TFAM: variants seen among roughly 807,000 people sequenced by gnomAD.
TFAM encodes the protein transcription factor A, mitochondrial.
TFAM carries 13 observed loss-of-function variants against 30.6 expected under a neutral mutation model. That is an observed-to-expected ratio of 0.42 (90% CI 0.28 to 0.67). The LOEUF (loss-of-function observed/expected upper bound fraction) is 0.67, where lower values mean the gene tolerates loss of function less well. Among genes scored for constraint, TFAM ranks in the 30% least tolerant of loss-of-function variants. TFAM has a pLI of 0.21. For synonymous variants in TFAM, 106 were observed against 94.8 expected (o/e 1.12, Z -0.69); for missense variants, 231 against 293.7 (o/e 0.79, Z 1.56).
At chr10:58,393,304 A>G (rs1277038242) in intron 5 of TFAM, among the ~76,000 whole-genome samples, 1 of 152,188 alleles carries the variant, frequency 6.6e-6, no homozygotes, top group Admixed American at 6.5e-5. Context: ...ACAGTCTTTC[A>G]GCCAATCTTG....
intron 4 of TFAM, 52 bp downstream of exon 4, chr10:58,388,871 TA>T: frequency 1.4e-6 from 2 of 1,463,508 alleles, no homozygotes; most frequent in Non-Finnish European, 1.9e-6. Flanking sequence ...GAGATTTATA[TA>T]ACTATGAATA....
chr10:58,394,562 T>A, intron 6 of TFAM, 148 bp downstream of exon 6: 1 of 847,182 alleles, frequency 1.2e-6, no homozygotes, highest in South Asian at 1.4e-5. Context: ...CAGAACCAGT[T>A]TGGCATTTTT....
At chr10:58,394,458 CTGTGAGAGAA>C in intron 6 of TFAM, 44 bp downstream of exon 6, 1 of 1,513,316 alleles carries the variant, frequency 6.6e-7, no homozygotes, top group East Asian at 2.3e-5. Flanking sequence ...CTTAGGATAT[CTGTGAGAGAA>C]TGTATTAGGG....
chr10:58,398,786 A>G lies in TFAM; in HGVS notation c.*3712A>G, dbSNP rs1157517087. 4.6e-5 allele frequency: 7 copies of G among 152,180 alleles called. No individual in the cohort carries two copies. The highest frequency in any genetic ancestry group is 1.2e-4 in the African/African-American group (5 of 41,448). The allele number at this position is 152,180 out of a possible 1,614,324, so 9.4% of individuals were successfully genotyped here. Reference sequence around the variant, plus strand: ...TCTCTTAATTTTACTAACATTTACTATAAGAATATTCTCTCGCTCTTTTCT... The same window carrying G: ...TCTCTTAATTTTACTAACATTTACTGTAAGAATATTCTCTCGCTCTTTTCT... On this transcript the variant is annotated 3_prime_UTR_variant, in exon 7 of 7. Transcript: ENST00000487519.
chr10:58,390,982 G>A lies in TFAM; in HGVS notation c.537+122G>A, dbSNP rs148135493. The A allele has an allele frequency of 8.0e-4, 711 of 893,600 alleles. 15 individuals carry two copies. The East Asian group carries it at 0.019, about 23-fold the overall frequency. 55.4% of individuals were successfully genotyped at this position (893,600 alleles called of 1,614,324 possible). A position where few individuals can be genotyped will look rare whatever the true frequency, so the allele number is the denominator to read the frequency against. On this transcript the variant is annotated intron_variant, in intron 5 of 6. Coordinates refer to ENST00000487519, the MANE Select transcript of TFAM (RefSeq NM_003201.3). ...TCCAGACAGTAAACTCTTTTGCTAA[G>A]GCCCTCTTTAAAGAAAAATCTTTTT...
Position 58,385,734 on chromosome 10 carries a change from C to T in TFAM, c.101+86C>T, listed in dbSNP as rs111287159. ...GTAGACCCTATCCTTCACTTTCTGC[C>T]CCTCCTAGGAGTTCAGAGTCACCCT... On this transcript the variant is annotated intron_variant, in intron 1 of 6. Coordinates refer to ENST00000487519, the MANE Select transcript of TFAM (RefSeq NM_003201.3). 5.8e-5 allele frequency: 62 copies of T among 1,061,040 alleles called. No individual in the cohort carries two copies. The African/African-American group carries it at 6.1e-4, about 10-fold the overall frequency. The allele number at this position is 1,061,040 out of a possible 1,614,324, so 65.7% of individuals were successfully genotyped here.
At chr10:58,387,703 A>T (rs1840516798) in intron 2 of TFAM, among the ~76,000 whole-genome samples, 1 of 152,056 alleles carries the variant, frequency 6.6e-6, no homozygotes, top group Admixed American at 6.5e-5. Context: ...ACTGAGGCAG[A>T]TGGATTGCTT....
Position 58,394,396 on chromosome 10 carries a change from G to T in TFAM, c.576G>T (p.Leu192=), listed in dbSNP as rs202134455. Residue 192 remains leucine, a synonymous_variant, in exon 6 of 7, where the codon CTG becomes CTT. Transcript: ENST00000487519. ...LKTVKENWKN[L]SDSEKELYIQ... ...CTGTAAAGGAAAACTGGAAAAATCT[G>T]TCTGACTCTGAAAAGGAAGTGAGTA... 3.7e-6 allele frequency: 6 copies of T among 1,613,656 alleles called. No homozygotes were observed.
Position 58,394,941 on chromosome 10 carries a change from A to G in TFAM, c.608A>G (p.His203Arg). Residue 203 changes from histidine (H) to arginine (R), a missense_variant, in exon 7 of 7, where the codon CAT (histidine) becomes CGT (arginine). Coordinates refer to ENST00000487519, the MANE Select transcript of TFAM (RefSeq NM_003201.3). ...SDSEKELYIQ[H>R]AKEDETRYHN... ...GCTTTTTCTCAGTTATATATTCAGC[A>G]TGCTAAAGAGGACGAAACTCGTTAT... 2 of 1,613,458 alleles carry G rather than the reference A, an allele frequency of 1.2e-6. No homozygotes were observed. Among genetic ancestry groups the G allele is most frequent in the African/African-American group, 2.7e-5 (2 of 75,052 alleles).
chr10:58,390,587 TA>T (rs1840572808), intron 4 of TFAM, among the ~76,000 whole-genome samples, 177 bp from the exon 5 acceptor site: 2 of 152,332 alleles, frequency 1.3e-5, no homozygotes, highest in South Asian at 4.1e-4. Context: ...ATAATTTTCA[TA>T]ACAGTGCTGT....
At chr10:58,388,354 TA>T in intron 3 of TFAM, 94 bp downstream of exon 3, 1 of 1,067,592 alleles carries the variant, frequency 9.4e-7, no homozygotes, top group Non-Finnish European at 1.4e-6. Context: ...TCAGACTTTT[TA>T]AAAAATAATC....
chr10:58,394,342 A>G lies in TFAM; in HGVS notation c.538-16A>G, dbSNP rs758406594. ...TCCCCATATCTACCTTAACTTAAAC[A>G]TATATTGTTTTACAGGAAAAGCTGA... On this transcript the variant is annotated splice_polypyrimidine_tract_variant and intron_variant, in intron 5 of 6. Coordinates refer to ENST00000487519, the MANE Select transcript of TFAM (RefSeq NM_003201.3). 5 of 1,602,848 alleles carry G rather than the reference A, an allele frequency of 3.1e-6. No individual in the cohort carries two copies. Among genetic ancestry groups the G allele is most frequent in the Non-Finnish European group, 4.3e-6 (5 of 1,170,188 alleles).
chr10:58,392,475 T>C (rs1369569804), intron 5 of TFAM, among the ~76,000 whole-genome samples: 4 of 151,954 alleles, frequency 2.6e-5, no homozygotes, highest in Non-Finnish European at 5.9e-5. Context: ...TTTTCCGTAC[T>C]GTTTTCCTTT....
intron 4 of TFAM, among the ~76,000 whole-genome samples, chr10:58,390,422 A>G (rs1345266832): frequency 6.6e-6 from 1 of 152,212 alleles, no homozygotes; most frequent in Non-Finnish European, 1.5e-5. Flanking sequence ...GATTTGGTCA[A>G]GGGGACAGTA....
chr10:58,388,377 A>G (rs1199480036), intron 3 of TFAM, 117 bp downstream of exon 3: 2 of 905,622 alleles, frequency 2.2e-6, no homozygotes, highest in Non-Finnish European at 3.6e-6. Flanking sequence ...GTTATCTACA[A>G]AGAAACTTTA....
Position 58,397,851 on chromosome 10 carries a change from C to T in TFAM, c.*2777C>T, listed in dbSNP as rs7089827. The T allele has an allele frequency of 0.17, 25,135 of 150,400 alleles. 2,946 individuals carry two copies. The highest frequency in any genetic ancestry group is 0.32 in the East Asian group (1,618 of 5,068). 9.3% of individuals were successfully genotyped at this position (150,400 alleles called of 1,614,324 possible). A position where few individuals can be genotyped will look rare whatever the true frequency, so the allele number is the denominator to read the frequency against. ...TGATCTTGGCTCACTGCAGCCTTGA[C>T]CTCCTGGGCTCAAGTGATCCTTCCG... On this transcript the variant is annotated 3_prime_UTR_variant, in exon 7 of 7. Coordinates refer to ENST00000487519, the MANE Select transcript of TFAM (RefSeq NM_003201.3).
chr10:58,394,763 T>G (rs983047112), intron 6 of TFAM, among the ~76,000 whole-genome samples, 165 bp from the exon 7 acceptor site: 8 of 152,228 alleles, frequency 5.3e-5, no homozygotes, highest in Non-Finnish European at 1.0e-4. Context: ...ATCTAACTTT[T>G]ATCTCATGAA....
intron 4 of TFAM, 36 bp downstream of exon 4, chr10:58,388,855 A>G (rs778603286): frequency 1.3e-6 from 2 of 1,549,482 alleles, no homozygotes; most frequent in East Asian, 4.5e-5. Context: ...CTTATGGTAA[A>G]GAATTGAGAT....
At chr10:58,392,594 G>A (rs1840617190) in intron 5 of TFAM, among the ~76,000 whole-genome samples, 1 of 151,150 alleles carries the variant, frequency 6.6e-6, no homozygotes, top group Admixed American at 6.6e-5. Context: ...TCCCTCAACT[G>A]TACCTGTACC....
Sources: allele counts gnomAD v4.1 joint callset (sites outside exome capture counted in the v4.1 genomes callset), GRCh38; gene constraint gnomAD v4.1.1; transcripts MANE v1.5; gene names NCBI Gene and HGNC (gene_info 2026-07-23, HGNC 2026-07-21).